The following PACSIN2 variants were observed in gnomAD, a reference collection of about 807,000 sequenced individuals.
The protein encoded by PACSIN2 is protein kinase C and casein kinase substrate in neurons protein 2.
Under a neutral mutation model 63.8 loss-of-function variants are expected in PACSIN2, and 25 were observed. That is an observed-to-expected ratio of 0.39 (90% CI 0.29 to 0.55). The LOEUF (loss-of-function observed/expected upper bound fraction) is 0.55. Among genes scored for constraint, PACSIN2 ranks in the 20% least tolerant of loss-of-function variants. The probability of loss-of-function intolerance (pLI) is 0.62; values close to 1 mark genes in which losing one functional copy is unlikely to be tolerated. For synonymous variants in PACSIN2, 255 were observed against 256.2 expected, an observed-to-expected ratio of 1.00 and a Z score of 0.05; for missense variants, 518 against 646.9, an observed-to-expected ratio of 0.80 and a Z score of 2.16.
chr22:42,990,227 T>C (rs1303148074), intron 1 of PACSIN2, among the ~76,000 whole-genome samples: 1 of 152,040 alleles, frequency 6.6e-6, no homozygotes, highest in Non-Finnish European at 1.5e-5. Context: ...CCCTGGGCAC[T>C]TGCAATCACA....
intron 1 of PACSIN2, among the ~76,000 whole-genome samples, chr22:42,952,554 T>C (rs1933741999): frequency 6.6e-6 from 1 of 150,764 alleles, no homozygotes; most frequent in South Asian, 2.1e-4. Context: ...TAGAGACGGG[T>C]TTTCACATTG....
At chr22:42,994,331 C>A (rs1203830474) in intron 1 of PACSIN2, among the ~76,000 whole-genome samples, 3 of 152,164 alleles carry the variant, frequency 2.0e-5, no homozygotes, top group Non-Finnish European at 2.9e-5. Flanking sequence ...TAGGGAGGGA[C>A]AACCCCAAAC....
At chr22:42,911,800 A>T (rs909895732) in intron 2 of PACSIN2, among the ~76,000 whole-genome samples, 1 of 152,254 alleles carries the variant, frequency 6.6e-6, no homozygotes, top group Non-Finnish European at 1.5e-5. Flanking sequence ...CTTTCCTAGC[A>T]AGGTAAGTTC....
chr22:42,878,947 A>G, intron 8 of PACSIN2, 101 bp downstream of exon 8: 1 of 1,350,482 alleles, frequency 7.4e-7, no homozygotes, highest in Non-Finnish European at 1.0e-6. Flanking sequence ...GAGCCCAGGA[A>G]CCTCCCAGGT....
chr22:42,969,482 C>T (rs1921079370), intron 1 of PACSIN2, among the ~76,000 whole-genome samples: 11 of 152,152 alleles, frequency 7.2e-5, no homozygotes, highest in Admixed American at 7.2e-4. Context: ...CTTATGGAGG[C>T]CTTGGGGAAG....
In PACSIN2 at chr22:42,953,882, T is replaced by C. The variant is rs572328197; in HGVS notation, c.-77-41725A>G. Among the ~76,000 whole-genome samples, 3 of 152,216 alleles carry C rather than the reference T, an allele frequency of 2.0e-5. No homozygotes were observed. In the East Asian group the frequency reaches 5.8e-4, roughly 29 times the overall value. ...ACACTGGAGGAAAAAAGAGACGAAA[T>C]TCACCTAAGGAAAGCCAGGGAAGAG... On this transcript the variant is annotated intron_variant, in intron 1 of 10. Transcript: ENST00000263246.
chr22:42,889,606 T>C (rs922851729), intron 4 of PACSIN2, among the ~76,000 whole-genome samples: 21 of 151,416 alleles, frequency 1.4e-4, no homozygotes, highest in African/African-American at 4.4e-4. Context: ...GACAGAGGCA[T>C]GTTCTGGATG....
rs541604084 is a variant in PACSIN2 at position 42,875,389 on chromosome 22, C to T, written c.1348+748G>A. ...GGTTATTTATTTGTTTGTTTGTTTG[C>T]GACAGGGTCTCGCTCTGTTGTCCAG... On this transcript the variant is annotated intron_variant, in intron 10 of 10. Transcript: ENST00000263246. Among the ~76,000 whole-genome samples, 28 of 152,036 alleles carry T rather than the reference C, an allele frequency of 1.8e-4. 1 individual carries two copies. The South Asian group carries it at 3.9e-3, about 21-fold the overall frequency.
chr22:42,974,644 G>A (rs541156404), intron 1 of PACSIN2, among the ~76,000 whole-genome samples: 1 of 151,908 alleles, frequency 6.6e-6, no homozygotes, highest in Admixed American at 6.6e-5. Flanking sequence ...AGCTACTCGG[G>A]TGGCTGAGGC....
intron 1 of PACSIN2, among the ~76,000 whole-genome samples, chr22:42,996,126 A>T (rs1440975014): frequency 6.6e-6 from 1 of 152,124 alleles, no homozygotes; most frequent in Non-Finnish European, 1.5e-5. Flanking sequence ...AGGCTGAGGT[A>T]GGAGAATGGC....
intron 1 of PACSIN2, among the ~76,000 whole-genome samples, chr22:42,957,419 G>A (rs1309598421): frequency 7.1e-6 from 1 of 140,828 alleles, no homozygotes; most frequent in Admixed American, 7.1e-5. Context: ...ACCTCCCCAA[G>A]GTATTTTAAG....
chr22:42,924,185 G>A (rs1001552238), intron 1 of PACSIN2, among the ~76,000 whole-genome samples: 3 of 152,060 alleles, frequency 2.0e-5, no homozygotes, highest in Admixed American at 1.3e-4. Flanking sequence ...CTCCTGGACC[G>A]GCCTTGCCTC....
intron 1 of PACSIN2, among the ~76,000 whole-genome samples, chr22:42,964,910 A>T (rs550987754): frequency 3.3e-5 from 5 of 151,976 alleles, no homozygotes; most frequent in African/African-American, 9.6e-5. Context: ...CATGGCTTGG[A>T]TAAAAAGAAG....
At chr22:42,908,498 A>G (rs899424234) in intron 2 of PACSIN2, among the ~76,000 whole-genome samples, 2 of 152,226 alleles carry the variant, frequency 1.3e-5, no homozygotes, top group African/African-American at 4.8e-5. Context: ...CCAGAAGTGG[A>G]AAGGCAGGAG....
intron 1 of PACSIN2, among the ~76,000 whole-genome samples, chr22:42,920,499 C>T (rs894878773): frequency 1.3e-5 from 2 of 152,150 alleles, no homozygotes; most frequent in Admixed American, 6.5e-5. Context: ...ATTTTAGTGT[C>T]ACTTTTTGGA....
intron 1 of PACSIN2, among the ~76,000 whole-genome samples, chr22:42,967,929 T>C (rs1459964872): frequency 6.6e-6 from 1 of 152,178 alleles, no homozygotes; most frequent in African/African-American, 2.4e-5. Flanking sequence ...TCAAATTAGG[T>C]ACTTTACTGA....
rs571948010 is a variant in PACSIN2, at chr22:42,921,554, C to A, written c.-77-9397G>T. ...ATCAGCCCTACCCTTTCATAAAGTTCAAACTGAAATCAGGGGAAAACAAAT... is the reference window on the plus strand; with the variant it reads ...ATCAGCCCTACCCTTTCATAAAGTTAAAACTGAAATCAGGGGAAAACAAAT... On this transcript the variant is annotated intron_variant, in intron 1 of 10. Transcript: ENST00000263246. Among the ~76,000 whole-genome samples, 14 of 152,088 alleles carry A rather than the reference C, an allele frequency of 9.2e-5. No homozygotes were observed. The East Asian group carries it at 2.7e-3, about 29-fold the overall frequency.
intron 1 of PACSIN2, among the ~76,000 whole-genome samples, chr22:42,968,296 T>C (rs1921002060): frequency 6.6e-6 from 1 of 152,152 alleles, no homozygotes; most frequent in Non-Finnish European, 1.5e-5. Context: ...TTTTTTTTCA[T>C]AGTCCCTAAT....
At chr22:42,974,761 A>AG (rs1569341753) in intron 1 of PACSIN2, among the ~76,000 whole-genome samples, 3 of 151,364 alleles carry the variant, frequency 2.0e-5, no homozygotes, top group South Asian at 2.1e-4. Flanking sequence ...AAAAAAAAAA[A>AG]AAAAGAAAAG....
Sources: allele counts gnomAD v4.1 joint callset (sites outside exome capture counted in the v4.1 genomes callset), GRCh38; gene constraint gnomAD v4.1.1; transcripts MANE v1.5; gene names NCBI Gene and HGNC (gene_info 2026-07-23, HGNC 2026-07-21).